The following CANX variants were observed in gnomAD, a reference collection of about 807,000 sequenced individuals.
CANX encodes epididymis secretory sperm binding protein.
In CANX, 14 loss-of-function variants were observed where a neutral mutation model predicts 75.7. The ratio of observed to expected loss-of-function variants is 0.19; its 90% CI spans 0.12 to 0.29. CANX has a LOEUF of 0.29. Ranked by LOEUF, CANX falls within the 10% of genes least tolerant of loss-of-function variation. The probability of loss-of-function intolerance (pLI) is 1.00; values close to 1 mark genes in which losing one functional copy is unlikely to be tolerated. For missense variants in CANX, 567 were observed against 713.2 expected (o/e 0.79, Z 2.34); for synonymous variants, 227 against 236.9 (o/e 0.96, Z 0.38).
chr5:179,723,899 T>C, intron 12 of CANX, 120 bp downstream of exon 12: 1 of 858,962 alleles, frequency 1.2e-6, no homozygotes, highest in Non-Finnish European at 1.8e-6. Context: ...CCAAGCCATG[T>C]TTGGTGTTGA....
intron 1 of CANX, among the ~76,000 whole-genome samples, chr5:179,682,164 A>T (rs879895563): frequency 6.6e-6 from 1 of 150,864 alleles, no homozygotes; most frequent in Non-Finnish European, 1.5e-5. Flanking sequence ...AGGCAGGAGA[A>T]TTGCTTGAAC....
intron 1 of CANX, among the ~76,000 whole-genome samples, chr5:179,681,820 CGA>C (rs1776070988): frequency 6.6e-6 from 1 of 151,906 alleles, no homozygotes; most frequent in Non-Finnish European, 1.5e-5. Context: ...TGGTGGCATG[CGA>C]CTGTAGTCCC....
intron 14 of CANX, among the ~76,000 whole-genome samples, chr5:179,727,711 G>A (rs1562524625): frequency 6.6e-6 from 1 of 152,174 alleles, no homozygotes; most frequent in East Asian, 1.9e-4. Context: ...GAGAATCAGG[G>A]CGACCAGTTA....
chr5:179,709,747 GC>G, intron 6 of CANX, 125 bp from the exon 7 acceptor site: 1 of 590,146 alleles, frequency 1.7e-6, no homozygotes, highest in Non-Finnish European at 2.9e-6. Flanking sequence ...CTTGTAGTTA[GC>G]TTTTCCTTTA....
At position 179,704,827 on chromosome 5, in the gene CANX, A is replaced by C. The variant is rs561353723; in HGVS notation, c.-3-852A>C. The stretch of plus-strand genomic sequence containing the variant: ...CTCCAGCCTGGGCGACAGAGGGAGA[A>C]TCCATCACAAAATAAATAAATAAAA... On this transcript the variant is annotated intron_variant, in intron 1 of 14. Transcript: ENST00000247461. Among the ~76,000 whole-genome samples, 26 of 152,274 alleles carry C rather than the reference A, an allele frequency of 1.7e-4. No individual in the cohort carries two copies. The South Asian group carries it at 2.1e-3, about 12-fold the overall frequency.
intron 4 of CANX, 74 bp downstream of exon 4, chr5:179,707,264 AC>A: frequency 1.1e-6 from 1 of 888,514 alleles, no homozygotes; most frequent in African/African-American, 1.6e-5. Context: ...ATTTCCTAAG[AC>A]TAGTTTAAAA....
At chr5:179,711,044 A>T (rs1468612542) in intron 7 of CANX, among the ~76,000 whole-genome samples, 1 of 151,312 alleles carries the variant, frequency 6.6e-6, no homozygotes, top group Non-Finnish European at 1.5e-5. Context: ...GTGGCAGAGG[A>T]AGATTCTGTA....
At chr5:179,708,842 A>G (rs1669377846) in intron 5 of CANX, 136 bp from the exon 6 acceptor site, 1 of 494,868 alleles carries the variant, frequency 2.0e-6, no homozygotes, top group Non-Finnish European at 3.7e-6. Flanking sequence ...AAACAATAGA[A>G]GATGGAATCC....
At chr5:179,698,613 A>C (rs767566755), upstream of CANX, 74 of 1,285,692 alleles carry the variant, frequency 5.8e-5, no homozygotes, top group Non-Finnish European at 7.0e-5. Context: ...GGTGAGGGCT[A>C]CTGGGGGTTG....
intron 1 of CANX, among the ~76,000 whole-genome samples, chr5:179,688,148 C>T (rs573802320): frequency 6.7e-6 from 1 of 150,192 alleles, no homozygotes; most frequent in African/African-American, 2.4e-5. Flanking sequence ...ACCTCCACCT[C>T]CTGGGTTCAA....
intron 1 of CANX, among the ~76,000 whole-genome samples, chr5:179,679,721 C>T (rs572247103): frequency 1.3e-5 from 2 of 152,030 alleles, no homozygotes; most frequent in East Asian, 1.9e-4. Flanking sequence ...TGCAATTGCG[C>T]GATCTTGGCT....
chr5:179,683,405 T>C (rs1021330943), intron 1 of CANX, among the ~76,000 whole-genome samples: 1 of 152,094 alleles, frequency 6.6e-6, no homozygotes, highest in African/African-American at 2.4e-5. Flanking sequence ...AGTGCTGGGA[T>C]TACAGGTGTG....
intron 1 of CANX, among the ~76,000 whole-genome samples, chr5:179,684,688 T>G (rs988115310): frequency 3.3e-5 from 5 of 151,740 alleles, no homozygotes; most frequent in Non-Finnish European, 7.4e-5. Context: ...AATTGTGGGG[T>G]TTTTGCTGTT....
chr5:179,679,462 G>A (rs1157084257), intron 1 of CANX, among the ~76,000 whole-genome samples: 1 of 152,168 alleles, frequency 6.6e-6, no homozygotes, highest in African/African-American at 2.4e-5. Context: ...GACCACTGAG[G>A]ATCAGGCCCT....
At position 179,707,124 on chromosome 5, in the gene CANX, A is replaced by G; in HGVS notation, c.246-8A>G. On this transcript the variant is annotated splice_polypyrimidine_tract_variant and splice_region_variant and intron_variant, in intron 3 of 14. Transcript: ENST00000247461. Reference sequence around the variant, plus strand: ...TTTAAGACTGATTTTGGGATTTGTTATTTACAGGTGGATTTTATCCAAAGC... The same window carrying G: ...TTTAAGACTGATTTTGGGATTTGTTGTTTACAGGTGGATTTTATCCAAAGC... 6.4e-7 allele frequency: 1 copy of G among 1,566,138 alleles called. No individual in the cohort carries two copies. The highest frequency in any genetic ancestry group is 8.8e-7 in the Non-Finnish European group (1 of 1,136,364).
chr5:179,678,927 T>G, intron 1 of CANX: 1 of 1,535,210 alleles, frequency 6.5e-7, no homozygotes, highest in Non-Finnish European at 8.7e-7. Context: ...AAGGCCTGGT[T>G]GCTGAGGCGC....
chr5:179,712,133 T>TTC (rs1491463525), intron 7 of CANX, among the ~76,000 whole-genome samples: 49 of 150,888 alleles, frequency 3.2e-4, no homozygotes, highest in African/African-American at 1.2e-3. Flanking sequence ...TTTTTTTTTT[T>TTC]CTACAAAGAG....
intron 9 of CANX, among the ~76,000 whole-genome samples, chr5:179,720,149 T>C (rs959161932): frequency 6.6e-6 from 1 of 152,190 alleles, no homozygotes; most frequent in African/African-American, 2.4e-5. Context: ...CTGTTTTTAT[T>C]GAAGTCAATC....
chr5:179,679,383 C>T lies in CANX; in HGVS notation c.-4+606C>T. 4 of 879,016 alleles carry T rather than the reference C, an allele frequency of 4.6e-6. No homozygotes were observed. The South Asian group carries it at 5.5e-5, about 12-fold the overall frequency. The allele number at this position is 879,016 out of a possible 1,614,324, so 54.5% of individuals were successfully genotyped here. ...GGCTGCGGCTGTGTCTCACCAGCTG[C>T]TGGCCACCGAGGAGCCCGTCGTTCC... On this transcript the variant is annotated intron_variant, in intron 1 of 14. Coordinates refer to the CANX transcript ENST00000681674.
Sources: allele counts gnomAD v4.1 joint callset (sites outside exome capture counted in the v4.1 genomes callset), GRCh38; gene constraint gnomAD v4.1.1; transcripts MANE v1.5; gene names NCBI Gene and HGNC (gene_info 2026-07-23, HGNC 2026-07-21).